The following ARHGAP24 variants were observed in gnomAD, a reference collection of about 807,000 sequenced individuals.
ARHGAP24 encodes Rho GTPase activating protein 24, also known as rho GTPase-activating protein 24.
A neutral mutation model predicts 76.4 loss-of-function variants in ARHGAP24; 50 were observed. The ratio of observed to expected loss-of-function variants is 0.65; its 90% CI spans 0.52 to 0.83. The LOEUF is 0.83. ARHGAP24 is among the 40% of genes least tolerant of loss of function. The probability of loss-of-function intolerance (pLI) is 0.00; values close to 1 mark genes in which losing one functional copy is unlikely to be tolerated. For missense variants in ARHGAP24, 930 were observed against 914.2 expected, an observed-to-expected ratio of 1.02 and a Z score of -0.22; for synonymous variants, 345 against 323.3, an observed-to-expected ratio of 1.07 and a Z score of -0.72.
At chr4:85,964,423 T>C (rs1291394966) in intron 5 of ARHGAP24, among the ~76,000 whole-genome samples, 3 of 152,096 alleles carry the variant, frequency 2.0e-5, no homozygotes, top group African/African-American at 7.2e-5. Flanking sequence ...TCTGATGCAG[T>C]GATAGATATT....
intron 1 of ARHGAP24, among the ~76,000 whole-genome samples, chr4:85,558,282 A>T (rs929077288): frequency 7.2e-5 from 11 of 152,156 alleles, no homozygotes; most frequent in Non-Finnish European, 1.6e-4. Flanking sequence ...TTCAAATAAC[A>T]TATGTGCCAC....
chr4:85,745,729 T>C (rs1726008249), intron 3 of ARHGAP24, among the ~76,000 whole-genome samples: 1 of 152,158 alleles, frequency 6.6e-6, no homozygotes, highest in South Asian at 2.1e-4. Flanking sequence ...AATAATCTAA[T>C]GGGCTACAGA....
At chr4:85,904,964 T>C (rs560843991) in intron 3 of ARHGAP24, among the ~76,000 whole-genome samples, 3 of 152,208 alleles carry the variant, frequency 2.0e-5, no homozygotes, top group African/African-American at 7.2e-5. Flanking sequence ...ACAAATGCGA[T>C]TGTTGCCTTT....
At chr4:85,999,328 T>C (rs10019467) in intron 9 of ARHGAP24, among the ~76,000 whole-genome samples, 2,054 of 152,304 alleles carry the variant, frequency 0.013, 45 homozygotes, top group African/African-American at 0.047. Flanking sequence ...GCCTTCTAAA[T>C]GATGTAGGAT....
chr4:85,876,379 C>G (rs1206454061), intron 3 of ARHGAP24, among the ~76,000 whole-genome samples: 1 of 152,166 alleles, frequency 6.6e-6, no homozygotes, highest in Non-Finnish European at 1.5e-5. Flanking sequence ...AGCAATCTGT[C>G]CATTTTGTGA....
At chr4:85,922,813 G>A (rs928963690) in intron 3 of ARHGAP24, among the ~76,000 whole-genome samples, 5 of 152,146 alleles carry the variant, frequency 3.3e-5, no homozygotes, top group African/African-American at 4.8e-5. Context: ...ACTTAAATGC[G>A]CTATAAAAGA....
chr4:85,966,024 T>A (rs781029164), intron 5 of ARHGAP24, among the ~76,000 whole-genome samples: 1 of 152,140 alleles, frequency 6.6e-6, no homozygotes, highest in Non-Finnish European at 1.5e-5. Context: ...CATTTCACAG[T>A]TCCAGAAATT....
intron 8 of ARHGAP24, among the ~76,000 whole-genome samples, chr4:85,978,464 G>C (rs929069193): frequency 6.6e-6 from 1 of 151,974 alleles, no homozygotes; most frequent in African/African-American, 2.4e-5. Context: ...AAAAGCTTTT[G>C]CATGTCTGCC....
intron 1 of ARHGAP24, among the ~76,000 whole-genome samples, chr4:85,563,923 A>C (rs1726698786): frequency 6.6e-6 from 1 of 152,222 alleles, no homozygotes; most frequent in Non-Finnish European, 1.5e-5. Flanking sequence ...TAGGACACTA[A>C]AAGAGTTCCA....
intron 9 of ARHGAP24, 75 bp downstream of exon 9, chr4:85,995,732 G>A (rs1740625161): frequency 7.1e-7 from 1 of 1,402,818 alleles, no homozygotes; most frequent in Admixed American, 1.8e-5. Context: ...ATCACACTGA[G>A]GGTGACATAT....
rs191274823 is a variant in ARHGAP24, at chr4:85,869,688, T to A, written c.269-53960T>A. ...TTTCCCATAAATTTCCTGAATCATT[T>A]TGTTTTTCTTTTATAGATTAACAAA... is the stretch of plus-strand genomic sequence containing the variant. On this transcript the variant is annotated intron_variant, in intron 3 of 9. Transcript: ENST00000395184. Among the ~76,000 whole-genome samples the A allele has an allele frequency of 2.5e-4, 38 of 152,282 alleles. No homozygotes were observed. The East Asian group carries it at 4.8e-3, about 19-fold the overall frequency.
chr4:85,694,671 G>C (rs1054480645), intron 2 of ARHGAP24, among the ~76,000 whole-genome samples: 1 of 152,092 alleles, frequency 6.6e-6, no homozygotes, highest in Non-Finnish European at 1.5e-5. Context: ...CTCTGTGTGT[G>C]TGTGTGTATA....
At chr4:85,654,273 G>A (rs987341244) in intron 2 of ARHGAP24, among the ~76,000 whole-genome samples, 2 of 152,048 alleles carry the variant, frequency 1.3e-5, no homozygotes, top group African/African-American at 2.4e-5. Flanking sequence ...TGTACAGCCT[G>A]GCATCTCTCT....
intron 3 of ARHGAP24, among the ~76,000 whole-genome samples, chr4:85,745,774 C>A (rs1373891623): frequency 6.6e-6 from 1 of 152,132 alleles, no homozygotes; most frequent in East Asian, 1.9e-4. Context: ...GAAGAATGTT[C>A]TTCATGCTAA....
chr4:85,999,781 A>G (rs940493799), intron 9 of ARHGAP24: 2 of 152,230 alleles, frequency 1.3e-5, no homozygotes, highest in Admixed American at 1.3e-4. Context: ...CAAAACAACT[A>G]TCAATTTATA....
chr4:85,994,810 A>G lies in ARHGAP24; in HGVS notation c.1156A>G (p.Ser386Gly). ...WDKSESPQRS[S>G]MNNGSPTALS... ...CAAGTCTGAGTCACCCCAGAGAAGCAGCATGAACAATGGATCCCCCACAGC... is the reference window on the plus strand; with the variant it reads ...CAAGTCTGAGTCACCCCAGAGAAGCGGCATGAACAATGGATCCCCCACAGC... Residue 386 changes from serine (S) to glycine (G), a missense_variant, in exon 9 of 10, where the codon AGC becomes GGC. Physicochemically the swap from Ser to Gly is moderately conservative, Grantham distance 56. Transcript: ENST00000395184. 1 of 1,614,190 alleles carries G rather than the reference A, an allele frequency of 6.2e-7. No individual in the cohort carries two copies. The highest frequency in any genetic ancestry group is 1.1e-5 in the South Asian group (1 of 91,084).
intron 1 of ARHGAP24, among the ~76,000 whole-genome samples, chr4:85,555,303 C>A (rs1192235178): frequency 6.6e-6 from 1 of 152,160 alleles, no homozygotes; most frequent in African/African-American, 2.4e-5. Context: ...TGAGTACAGT[C>A]AGTTGACTTC....
chr4:85,571,806 G>A (rs1019643832), intron 2 of ARHGAP24, among the ~76,000 whole-genome samples: 6 of 152,042 alleles, frequency 3.9e-5, no homozygotes, highest in Admixed American at 6.6e-5. Context: ...AATCCTATGA[G>A]GTAGGTATTG....
chr4:85,865,531 A>C (rs1324030227), intron 3 of ARHGAP24, among the ~76,000 whole-genome samples: 1 of 147,686 alleles, frequency 6.8e-6, no homozygotes, highest in Non-Finnish European at 1.5e-5. Context: ...TTTATTATTT[A>C]TAAATCAAGA....
Sources: allele counts gnomAD v4.1 joint callset (sites outside exome capture counted in the v4.1 genomes callset), GRCh38; gene constraint gnomAD v4.1.1; transcripts MANE v1.5; gene names NCBI Gene and HGNC (gene_info 2026-07-23, HGNC 2026-07-21).